Variants in CACNA2D2 observed in about 807,000 individuals in gnomAD.
The protein encoded by CACNA2D2 is calcium voltage-gated channel auxiliary subunit alpha2delta 2, also known as voltage-dependent calcium channel subunit alpha-2/delta-2.
A neutral mutation model predicts 166.4 loss-of-function variants in CACNA2D2; 48 were observed. The observed-to-expected ratio is 0.29, with a 90% CI of 0.23 to 0.37. The LOEUF is 0.37. Ranked by LOEUF, CACNA2D2 falls within the 10% of genes least tolerant of loss-of-function variation. CACNA2D2 has a pLI of 1.00. For synonymous variants in CACNA2D2, 561 were observed against 573.7 expected, an observed-to-expected ratio of 0.98 and a Z score of 0.32; for missense variants, 1,122 against 1,433.0, an observed-to-expected ratio of 0.78 and a Z score of 3.50.
intron 2 of CACNA2D2, among the ~76,000 whole-genome samples, chr3:50,471,085 C>T (rs996776687): frequency 1.3e-5 from 2 of 151,404 alleles, no homozygotes; most frequent in Non-Finnish European, 3.0e-5. Context: ...CACCCTGATG[C>T]GCCCCACATC....
At chr3:50,461,750 AAAAAAAAAAAAAAG>A (rs1465331772) in intron 2 of CACNA2D2, among the ~76,000 whole-genome samples, 1 of 135,232 alleles carries the variant, frequency 7.4e-6, no homozygotes, top group East Asian at 2.9e-4. Context: ...AGTCTCAAAA[AAAAAAAAAAAAAAG>A]AAAAAAAGAA....
intron 3 of CACNA2D2, among the ~76,000 whole-genome samples, chr3:50,432,316 C>T (rs201536118): frequency 6.6e-6 from 1 of 152,212 alleles, no homozygotes; most frequent in East Asian, 1.9e-4. Context: ...CTTGTCTCTG[C>T]CACCACTCAG....
chr3:50,459,243 G>A (rs979749969), intron 2 of CACNA2D2, among the ~76,000 whole-genome samples: 3 of 152,186 alleles, frequency 2.0e-5, no homozygotes, highest in African/African-American at 7.2e-5. Context: ...GGAAAGGTCA[G>A]GGTCACCCTG....
At chr3:50,458,914 C>G (rs755971089) in intron 2 of CACNA2D2, among the ~76,000 whole-genome samples, 14 of 152,220 alleles carry the variant, frequency 9.2e-5, no homozygotes, top group Non-Finnish European at 1.5e-4. Flanking sequence ...ATCCCTTCCC[C>G]GGGTTTCTGG....
In CACNA2D2 at chr3:50,427,668, A is replaced by G. The variant is rs1418538979; in HGVS notation, c.405+6645T>C. On this transcript the variant is annotated intron_variant, in intron 3 of 37. Transcript: ENST00000424201. The surrounding 1 kb of genome is among the most constrained non-coding windows in gnomAD (Gnocchi z 4.7). ...ATGCCACAGGATTTCCTGCCTGTCC[A>G]TCTACCATTACTGCACCTTTTAGAG... Among the ~76,000 whole-genome samples the G allele has an allele frequency of 6.6e-6, 1 of 152,220 alleles. No individual in the cohort carries two copies. Among genetic ancestry groups the G allele is most frequent in the African/African-American group, 2.4e-5 (1 of 41,466 alleles).
chr3:50,467,419 G>C (rs2107041512), intron 2 of CACNA2D2, among the ~76,000 whole-genome samples: 1 of 152,328 alleles, frequency 6.6e-6, no homozygotes, highest in East Asian at 1.9e-4. Context: ...GAATGGGACA[G>C]AGTCAGAGCC....
chr3:50,466,062 C>T (rs1170265267), intron 2 of CACNA2D2, among the ~76,000 whole-genome samples: 1 of 152,152 alleles, frequency 6.6e-6, no homozygotes, highest in African/African-American at 2.4e-5. Flanking sequence ...TAGGTGGCCT[C>T]ACCACCAGCC....
chr3:50,478,268 T>C (rs1202694398), intron 1 of CACNA2D2, among the ~76,000 whole-genome samples: 1 of 152,204 alleles, frequency 6.6e-6, no homozygotes, highest in Non-Finnish European at 1.5e-5. Flanking sequence ...ACAGCCTGCG[T>C]GACCCCTGGC....
chr3:50,474,734 T>C (rs1710237379), intron 2 of CACNA2D2, among the ~76,000 whole-genome samples: 1 of 152,214 alleles, frequency 6.6e-6, no homozygotes. Context: ...CATTCCTTCA[T>C]TAGCCCACAC....
At chr3:50,370,294 C>G (rs766366315) in intron 23 of CACNA2D2, 26 bp downstream of exon 23, 35 of 1,559,288 alleles carry the variant, frequency 2.2e-5, no homozygotes, top group East Asian at 2.4e-5. Flanking sequence ...GGGGAGGACA[C>G]CTCAGCAAGG....
chr3:50,435,649 TG>T (rs940620258), intron 2 of CACNA2D2, among the ~76,000 whole-genome samples: 1 of 35,406 alleles, frequency 2.8e-5, no homozygotes, highest in Non-Finnish European at 5.5e-5. Context: ...GGGGATGGGG[TG>T]GGGGGGTTGG....
chr3:50,430,044 C>T (rs1305768182), intron 3 of CACNA2D2, among the ~76,000 whole-genome samples: 1 of 152,212 alleles, frequency 6.6e-6, no homozygotes, highest in Non-Finnish European at 1.5e-5. Flanking sequence ...GGGTGCTGGG[C>T]TTAAGCCTGG....
intron 2 of CACNA2D2, among the ~76,000 whole-genome samples, chr3:50,468,227 A>G (rs1709904452): frequency 6.6e-6 from 1 of 152,156 alleles, no homozygotes; most frequent in Non-Finnish European, 1.5e-5. Context: ...GTCCCTTTTC[A>G]GAGATGGATG....
chr3:50,438,716 A>C (rs1294339992), intron 2 of CACNA2D2, among the ~76,000 whole-genome samples: 1 of 152,226 alleles, frequency 6.6e-6, no homozygotes, highest in Non-Finnish European at 1.5e-5. Flanking sequence ...TGACCTGGGC[A>C]GGCCCCAATC....
intron 22 of CACNA2D2, among the ~76,000 whole-genome samples, chr3:50,371,992 G>C (rs2109426867): frequency 6.6e-6 from 1 of 151,848 alleles, no homozygotes; most frequent in African/African-American, 2.4e-5. Flanking sequence ...GGACTAGGCT[G>C]GACAGGGCCC....
chr3:50,435,312 C>CGT (rs369597235), intron 2 of CACNA2D2, among the ~76,000 whole-genome samples: 3 of 151,036 alleles, frequency 2.0e-5, no homozygotes, highest in Non-Finnish European at 4.4e-5. Context: ...TGTGCGTGTG[C>CGT]GTGTGTGTGT....
chr3:50,426,241 C>T (rs1396236188), intron 3 of CACNA2D2, among the ~76,000 whole-genome samples: 4 of 152,234 alleles, frequency 2.6e-5, no homozygotes, highest in African/African-American at 9.6e-5. Flanking sequence ...GGCATTCTGC[C>T]CCACAGCAAG....
At chr3:50,436,268 G>A (rs543381653) in intron 2 of CACNA2D2, among the ~76,000 whole-genome samples, 33 of 152,180 alleles carry the variant, frequency 2.2e-4, no homozygotes, top group Admixed American at 7.9e-4. Context: ...ACTGCTGCCC[G>A]GCTTCTCCTG....
chr3:50,396,340 C>T (rs1706150668), intron 3 of CACNA2D2, among the ~76,000 whole-genome samples: 1 of 152,192 alleles, frequency 6.6e-6, no homozygotes, highest in Admixed American at 6.5e-5. Context: ...ATTCTCCACA[C>T]AACACCTGGA....
Sources: allele counts gnomAD v4.1 joint callset (sites outside exome capture counted in the v4.1 genomes callset), GRCh38; gene constraint gnomAD v4.1.1; non-coding constraint Gnocchi (gnomAD v3.1); transcripts MANE v1.5; gene names NCBI Gene and HGNC (gene_info 2026-07-23, HGNC 2026-07-21).